The following DNAH12 variants were observed in gnomAD, a reference collection of about 807,000 sequenced individuals.
The protein encoded by DNAH12 is axonemal beta dynein heavy chain 12.
Under a neutral mutation model 371.5 loss-of-function variants are expected in DNAH12, and 285 were observed. The ratio of observed to expected loss-of-function variants is 0.77; its 90% CI spans 0.70 to 0.85. The LOEUF (loss-of-function observed/expected upper bound fraction) is 0.85, where lower values mean the gene tolerates loss of function less well. Ranked by LOEUF, DNAH12 falls within the 40% of genes least tolerant of loss-of-function variation. The pLI, the probability that DNAH12 is intolerant of heterozygous loss-of-function variation, is 0.00. For synonymous variants in DNAH12, 1,200 were observed against 1,213.0 expected (o/e 0.99, Z 0.22); for missense variants, 3,611 against 3,689.4 (o/e 0.98, Z 0.55).
chr3:57,532,232 G>A (rs549534392), intron 2 of DNAH12, among the ~76,000 whole-genome samples: 3 of 152,146 alleles, frequency 2.0e-5, no homozygotes, highest in African/African-American at 4.8e-5. Flanking sequence ...GATAAAGTTC[G>A]AAATTCTTTC....
In DNAH12 at chr3:57,501,369, A is replaced by G; in HGVS notation, c.1287T>C (p.Asn429=). The G allele has an allele frequency of 6.3e-7, 1 of 1,596,514 alleles. No individual in the cohort carries two copies. The highest frequency in any genetic ancestry group is 8.5e-7 in the Non-Finnish European group (1 of 1,175,326). The change falls in exon 11 of 74, where the codon AAT becomes AAC. Residue 429 remains asparagine, a synonymous_variant. Coordinates refer to ENST00000495027, the MANE Select transcript of DNAH12 (RefSeq NM_001366028.2). ...NWLLDGTAVE[N]IETFQTEDHT... ...GATCTTCTGTCTGAAAAGTCTCTAT[A>G]TTCTCAACTGCAGTCCCATCAAGGA... is the stretch of plus-strand genomic sequence containing the variant.
At chr3:57,341,994 T>C (rs1553656345) in intron 60 of DNAH12, among the ~76,000 whole-genome samples, 1 of 152,164 alleles carries the variant, frequency 6.6e-6, no homozygotes, top group Non-Finnish European at 1.5e-5. Flanking sequence ...TTGACAAAGA[T>C]GCCAAGAACA....
the DNAH12 span, among the ~76,000 whole-genome samples, chr3:57,552,948 G>A: frequency 2.6e-5 from 4 of 152,244 alleles, no homozygotes; most frequent in South Asian, 2.1e-4. Flanking sequence ...AGGCCAAGGT[G>A]GGTGGATCAC....
intron 59 of DNAH12, among the ~76,000 whole-genome samples, chr3:57,353,397 A>G (rs2062727626): frequency 6.6e-6 from 1 of 152,058 alleles, no homozygotes; most frequent in Non-Finnish European, 1.5e-5. Context: ...GGCTCAAGTA[A>G]TCTTCCCATC....
rs1015705341 is a variant in DNAH12, at chr3:57,387,062, A to C, written c.7439+24T>G. 5.3e-5 allele frequency: 8 copies of C among 152,330 alleles called. No homozygotes were observed. The East Asian group carries it at 1.3e-3, about 26-fold the overall frequency. 9.4% of individuals were successfully genotyped at this position (152,330 alleles called of 1,614,324 possible). Reference sequence around the variant, plus strand: ...GGCCTTCACAAATCCCTTCATTGTCATTTTTAAATTCACTAATATTAACCT... The same window carrying C: ...GGCCTTCACAAATCCCTTCATTGTCCTTTTTAAATTCACTAATATTAACCT... On this transcript the variant is annotated intron_variant, in intron 46 of 73. Coordinates refer to ENST00000495027, the MANE Select transcript of DNAH12 (RefSeq NM_001366028.2).
At chr3:57,324,186 A>T (rs1401057887) in intron 62 of DNAH12, among the ~76,000 whole-genome samples, 1 of 152,204 alleles carries the variant, frequency 6.6e-6, no homozygotes, top group Non-Finnish European at 1.5e-5. Flanking sequence ...TCTCAGGAGC[A>T]AGAGCTTCCC....
intron 4 of DNAH12, among the ~76,000 whole-genome samples, chr3:57,519,494 A>G (rs2068329391): frequency 6.6e-6 from 1 of 152,240 alleles, no homozygotes; most frequent in Non-Finnish European, 1.5e-5. Context: ...GAATTTCTGA[A>G]AATAAAACTG....
At chr3:57,460,209 C>A (rs961929345) in intron 19 of DNAH12, among the ~76,000 whole-genome samples, 2 of 151,784 alleles carry the variant, frequency 1.3e-5, no homozygotes, top group African/African-American at 4.8e-5. Context: ...TGGGTAGAGG[C>A]CAGAGATGCA....
intron 58 of DNAH12, among the ~76,000 whole-genome samples, chr3:57,363,009 A>G (rs1347298062): frequency 6.6e-6 from 1 of 152,176 alleles, no homozygotes; most frequent in East Asian, 1.9e-4. Flanking sequence ...TAGGTCTAAC[A>G]TTTAAGTCTT....
intron 62 of DNAH12, among the ~76,000 whole-genome samples, chr3:57,327,850 T>C (rs2061988861): frequency 6.6e-6 from 1 of 152,170 alleles, no homozygotes; most frequent in Admixed American, 6.5e-5. Context: ...AAGAATCAAA[T>C]AGATGCAATA....
At chr3:57,477,369 G>T (rs935918589) in intron 13 of DNAH12, among the ~76,000 whole-genome samples, 1 of 152,134 alleles carries the variant, frequency 6.6e-6, no homozygotes, top group African/African-American at 2.4e-5. Context: ...CAGCAGAGAG[G>T]CTGGGGGAGG....
Position 57,496,259 on chromosome 3 carries a change from C to T in DNAH12, c.1335+5062G>A, listed in dbSNP as rs186755719. Among the ~76,000 whole-genome samples the T allele has an allele frequency of 7.2e-5, 11 of 152,062 alleles. No homozygotes were observed. The East Asian group carries it at 2.1e-3, about 29-fold the overall frequency. On this transcript the variant is annotated intron_variant, in intron 11 of 73. Transcript: ENST00000495027. ...CCACAGGGACTCAGCTGATCCAAGG[C>T]TGGATTCCTGACCCACAGATACTAT...
chr3:57,394,506 G>A (rs1219441550), intron 43 of DNAH12, among the ~76,000 whole-genome samples, 174 bp from the exon 44 acceptor site: 2 of 152,160 alleles, frequency 1.3e-5, no homozygotes, highest in Non-Finnish European at 2.9e-5. Flanking sequence ...CTGGGTGGGA[G>A]ATCCAAACTG....
intron 70 of DNAH12, among the ~76,000 whole-genome samples, chr3:57,300,528 ACACACACACC>A (rs1249885669): frequency 2.0e-5 from 3 of 152,226 alleles, no homozygotes; most frequent in Admixed American, 1.3e-4. Flanking sequence ...TTGACAGTAC[ACACACACACC>A]CACACACACC....
intron 17 of DNAH12, among the ~76,000 whole-genome samples, chr3:57,467,705 A>C (rs1041046934): frequency 1.3e-5 from 2 of 152,044 alleles, no homozygotes; most frequent in Admixed American, 6.5e-5. Context: ...AATCTGCCCT[A>C]ATAGGTCTGA....
intron 11 of DNAH12, among the ~76,000 whole-genome samples, chr3:57,495,991 TTA>T (rs1239274014): frequency 1.4e-5 from 2 of 142,374 alleles, no homozygotes; most frequent in East Asian, 1.9e-4. Flanking sequence ...TTTATATATA[TTA>T]TATATATATA....
intron 16 of DNAH12, among the ~76,000 whole-genome samples, chr3:57,469,504 C>A (rs530320613): frequency 1.2e-3 from 189 of 152,274 alleles, no homozygotes; most frequent in African/African-American, 4.5e-3. Flanking sequence ...GGAAAATAAT[C>A]ATTCTGCCAA....
chr3:57,530,423 G>A, intron 2 of DNAH12: 1 of 634,862 alleles, frequency 1.6e-6, no homozygotes. Flanking sequence ...CATCTGCTGG[G>A]CCACACTGCT....
chr3:57,397,271 G>A (rs1472559193), intron 43 of DNAH12, among the ~76,000 whole-genome samples: 1 of 152,092 alleles, frequency 6.6e-6, no homozygotes, highest in African/African-American at 2.4e-5. Context: ...CTAGTTAAGT[G>A]GCTGCAGCAC....
Sources: allele counts gnomAD v4.1 joint callset (sites outside exome capture counted in the v4.1 genomes callset), GRCh38; gene constraint gnomAD v4.1.1; transcripts MANE v1.5; gene names NCBI Gene and HGNC (gene_info 2026-07-23, HGNC 2026-07-21).